Variants in CDH13 observed in about 807,000 individuals in gnomAD.
The protein encoded by CDH13 is cadherin 13, also known as cadherin-13.
In CDH13, 24 loss-of-function variants were observed where a neutral mutation model predicts 63.8. That is an observed-to-expected ratio of 0.38 (90% CI 0.27 to 0.53). The LOEUF is 0.53. Among genes scored for constraint, CDH13 ranks in the 20% least tolerant of loss-of-function variants. The probability of loss-of-function intolerance (pLI) is 0.85; values close to 1 mark genes in which losing one functional copy is unlikely to be tolerated. For synonymous variants in CDH13, 503 were observed against 355.3 expected, an observed-to-expected ratio of 1.42 and a Z score of -4.67; for missense variants, 1,049 against 903.1, an observed-to-expected ratio of 1.16 and a Z score of -2.07.
chr16:82,699,973 G>A (rs909809630), intron 1 of CDH13, among the ~76,000 whole-genome samples: 1 of 152,222 alleles, frequency 6.6e-6, no homozygotes, highest in Non-Finnish European at 1.5e-5. Flanking sequence ...CAAGTTGCCA[G>A]AGAGCTTTGT....
intron 4 of CDH13, among the ~76,000 whole-genome samples, chr16:83,214,826 C>T (rs528722171): frequency 3.6e-4 from 54 of 151,824 alleles, no homozygotes; most frequent in African/African-American, 9.2e-4. Flanking sequence ...GGCGATGGAC[C>T]GTGTTCATAC....
At position 83,043,327 on chromosome 16, in the gene CDH13, C is replaced by G. The variant is rs184441237; in HGVS notation, c.366+11109C>G. On this transcript the variant is annotated intron_variant, in intron 3 of 13. Coordinates refer to ENST00000567109, the MANE Select transcript of CDH13 (RefSeq NM_001257.5). ...AAGTATAGATAACTAAAAATGGCTT[C>G]TTTTTGGCTTTTGAAAATTCTAAAT... Among the ~76,000 whole-genome samples the G allele has an allele frequency of 1.9e-3, 294 of 151,400 alleles. 1 individual carries two copies. Among genetic ancestry groups the G allele is most frequent in the Middle Eastern group, 0.017 (5 of 294 alleles).
At chr16:83,110,738 C>G (rs145175895) in intron 3 of CDH13, among the ~76,000 whole-genome samples, 12 of 152,078 alleles carry the variant, frequency 7.9e-5, no homozygotes, top group African/African-American at 2.7e-4. Flanking sequence ...TTTGTTTTGC[C>G]AGGGTCGGGC....
Position 82,860,676 on chromosome 16 carries a change from G to T in CDH13, c.157+2203G>T, listed in dbSNP as rs1468940913. On this transcript the variant is annotated intron_variant, in intron 2 of 13. Coordinates refer to ENST00000567109, the MANE Select transcript of CDH13 (RefSeq NM_001257.5). Reference sequence around the variant, plus strand: ...AAAAATCCAAAGCAGATCTGGTTAGGTACTTTCAAGTTCATCTCAAAGCAA... The same window carrying T: ...AAAAATCCAAAGCAGATCTGGTTAGTTACTTTCAAGTTCATCTCAAAGCAA... Among the ~76,000 whole-genome samples, 4 of 152,000 alleles carry T rather than the reference G, an allele frequency of 2.6e-5. No homozygotes were observed. In the East Asian group the frequency reaches 5.8e-4, roughly 22 times the overall value.
intron 1 of CDH13, among the ~76,000 whole-genome samples, chr16:82,750,819 T>A (rs928482207): frequency 2.6e-5 from 4 of 152,192 alleles, no homozygotes; most frequent in Admixed American, 6.5e-5. Context: ...AGACTCTGAT[T>A]TCCAATTTTC....
chr16:83,623,696 G>T (rs138358413), intron 8 of CDH13, among the ~76,000 whole-genome samples: 3 of 152,216 alleles, frequency 2.0e-5, no homozygotes, highest in African/African-American at 7.2e-5. Context: ...TAATAACCAC[G>T]CACTGGCCTC....
chr16:83,056,390 C>T (rs537960207), intron 3 of CDH13, among the ~76,000 whole-genome samples: 18 of 151,792 alleles, frequency 1.2e-4, no homozygotes, highest in Middle Eastern at 3.4e-3. Flanking sequence ...AAACTGGAAA[C>T]AACTCAAAAG....
At chr16:82,745,052 A>C (rs77779722) in intron 1 of CDH13, among the ~76,000 whole-genome samples, 2,263 of 152,296 alleles carry the variant, frequency 0.015, 55 homozygotes, top group African/African-American at 0.052. Context: ...ATCTAGTGAC[A>C]AATCAGCAAA....
rs2036649572 is a variant in CDH13 at position 83,144,166 on chromosome 16, T to A, written c.483+18665T>A. Among the ~76,000 whole-genome samples, 3 of 152,172 alleles carry A rather than the reference T, an allele frequency of 2.0e-5. No individual in the cohort carries two copies. The South Asian group carries it at 6.2e-4, about 31-fold the overall frequency. On this transcript the variant is annotated intron_variant, in intron 4 of 13. Transcript: ENST00000567109. ...CGTGCCCCTTCCTTCTTTCTCTCCC[T>A]ACCTGGAGAGCCTACAGATGTGGTA...
intron 2 of CDH13, among the ~76,000 whole-genome samples, chr16:82,866,083 A>T (rs1367855245): frequency 2.6e-5 from 4 of 152,134 alleles, no homozygotes; most frequent in African/African-American, 9.7e-5. Flanking sequence ...AGCAGGAATT[A>T]CCTTTATTCC....
At chr16:83,554,731 C>T (rs996398253) in intron 7 of CDH13, among the ~76,000 whole-genome samples, 1 of 152,090 alleles carries the variant, frequency 6.6e-6, no homozygotes, top group African/African-American at 2.4e-5. Context: ...CCAGCAACTG[C>T]CTGTCCAAGT....
intron 5 of CDH13, among the ~76,000 whole-genome samples, chr16:83,292,565 C>G (rs926558693): frequency 6.6e-6 from 1 of 152,120 alleles, no homozygotes; most frequent in African/African-American, 2.4e-5. Flanking sequence ...TTGAACAGGT[C>G]TTTTCAAATC....
chr16:83,768,983 T>A (rs1597205489), intron 11 of CDH13, among the ~76,000 whole-genome samples: 2 of 152,308 alleles, frequency 1.3e-5, no homozygotes, highest in Middle Eastern at 6.8e-3. Flanking sequence ...CAGCTCCTAT[T>A]CAAGATGGAG....
At chr16:83,659,628 G>A (rs1913256101) in intron 8 of CDH13, among the ~76,000 whole-genome samples, 1 of 152,146 alleles carries the variant, frequency 6.6e-6, no homozygotes, top group Non-Finnish European at 1.5e-5. Context: ...ATCATTAGTG[G>A]GTTTGTTTTA....
intron 2 of CDH13, among the ~76,000 whole-genome samples, chr16:82,951,848 C>T (rs1905340782): frequency 6.6e-6 from 1 of 152,188 alleles, no homozygotes; most frequent in Non-Finnish European, 1.5e-5. Context: ...AGTATATCTT[C>T]CTAAGTGTTC....
chr16:82,717,516 G>A (rs994516678), intron 1 of CDH13, among the ~76,000 whole-genome samples: 1 of 151,710 alleles, frequency 6.6e-6, no homozygotes, highest in Non-Finnish European at 1.5e-5. Context: ...TGTTTCAATG[G>A]GCTAGAGGCA....
chr16:83,061,602 C>G (rs1175132222), intron 3 of CDH13, among the ~76,000 whole-genome samples: 2 of 152,156 alleles, frequency 1.3e-5, no homozygotes, highest in Non-Finnish European at 2.9e-5. Context: ...TCAGGGCACC[C>G]AATGCAAAAT....
At chr16:83,288,104 A>G (rs2089368204) in intron 5 of CDH13, among the ~76,000 whole-genome samples, 3 of 152,206 alleles carry the variant, frequency 2.0e-5, no homozygotes, top group African/African-American at 7.2e-5. Flanking sequence ...ACCTTTTTGC[A>G]GTAATTGCGA....
intron 6 of CDH13, among the ~76,000 whole-genome samples, chr16:83,354,967 G>A (rs2091024704): frequency 6.6e-6 from 1 of 152,202 alleles, no homozygotes; most frequent in African/African-American, 2.4e-5. Flanking sequence ...ATTCCACAGA[G>A]GCAAAAGTAT....
Sources: allele counts gnomAD v4.1 joint callset (sites outside exome capture counted in the v4.1 genomes callset), GRCh38; gene constraint gnomAD v4.1.1; transcripts MANE v1.5; gene names NCBI Gene and HGNC (gene_info 2026-07-23, HGNC 2026-07-21).